The following OTUD7A variants were observed in gnomAD, a reference collection of about 807,000 sequenced individuals.
OTUD7A encodes the protein OTU deubiquitinase 7A.
OTUD7A carries 12 observed loss-of-function variants against 65.7 expected under a neutral mutation model. The ratio of observed to expected loss-of-function variants is 0.18; its 90% CI spans 0.12 to 0.30. OTUD7A has a LOEUF of 0.30. Ranked by LOEUF, OTUD7A falls within the 10% of genes least tolerant of loss-of-function variation. The pLI is 1.00. For missense variants in OTUD7A, 1,148 were observed against 1,304.8 expected, an observed-to-expected ratio of 0.88 and a Z score of 1.85; for synonymous variants, 641 against 586.3, an observed-to-expected ratio of 1.09 and a Z score of -1.35.
intron 1 of OTUD7A, among the ~76,000 whole-genome samples, chr15:31,799,567 G>A (rs954800385): frequency 1.3e-5 from 2 of 152,180 alleles, no homozygotes; most frequent in Admixed American, 1.3e-4. Flanking sequence ...TTAGGAGAAA[G>A]GCCATGTGAG....
chr15:31,795,375 G>A (rs924781250), intron 1 of OTUD7A, among the ~76,000 whole-genome samples: 1 of 152,206 alleles, frequency 6.6e-6, no homozygotes, highest in Non-Finnish European at 1.5e-5. Flanking sequence ...TAAAAACCTG[G>A]TTCAGACCTC....
chr15:31,802,637 G>T (rs1184601392), intron 1 of OTUD7A, among the ~76,000 whole-genome samples: 4 of 152,174 alleles, frequency 2.6e-5, no homozygotes, highest in African/African-American at 7.2e-5. Flanking sequence ...TCAATTTGAT[G>T]TTATTAAAAT....
chr15:31,770,905 G>A (rs79639532), intron 1 of OTUD7A, among the ~76,000 whole-genome samples: 138 of 152,204 alleles, frequency 9.1e-4, no homozygotes, highest in African/African-American at 3.0e-3. Flanking sequence ...AAGGACTCCC[G>A]CAACCTGACA....
intron 5 of OTUD7A, chr15:31,557,904 T>G (rs1595608992): frequency 6.6e-6 from 1 of 151,678 alleles, no homozygotes; most frequent in Non-Finnish European, 1.5e-5. Flanking sequence ...GCTGCAGCCC[T>G]AAACTCCTGG....
intron 1 of OTUD7A, among the ~76,000 whole-genome samples, chr15:31,657,373 T>C (rs1272747245): frequency 1.3e-5 from 2 of 151,930 alleles, no homozygotes; most frequent in Non-Finnish European, 2.9e-5. Context: ...CTTTTTTTTT[T>C]TGAGACAGAG....
chr15:31,610,619 T>A (rs11632909), intron 3 of OTUD7A, among the ~76,000 whole-genome samples: 54 of 45,536 alleles, frequency 1.2e-3, no homozygotes, highest in African/African-American at 3.1e-3. Context: ...ATATATATAT[T>A]TTTTTTTTTT....
In OTUD7A at chr15:31,602,330, A is replaced by G. The variant is rs184498623; in HGVS notation, c.152-32133T>C. On this transcript the variant is annotated intron_variant, in intron 3 of 12. Transcript: ENST00000307050. ...CAAATCAAGAAATGTAATGCATCAC[A>G]TAAACAGAACCAATGACAAAAACCA... 4.1e-4 allele frequency among the ~76,000 whole-genome samples: 62 copies of G among 152,348 alleles called. 1 individual carries two copies. In the East Asian group the frequency reaches 0.012, roughly 28 times the overall value.
chr15:31,499,017 G>A (rs1165862549), intron 10 of OTUD7A, among the ~76,000 whole-genome samples: 1 of 152,180 alleles, frequency 6.6e-6, no homozygotes, highest in Non-Finnish European at 1.5e-5. Context: ...ATAAGAGGGG[G>A]CTTCCCTTAG....
rs768396946 is a variant in OTUD7A, at chr15:31,649,812, G to A, written c.151+5284C>T. ...CAGCAGCGACCGGGCTCAGGAAGGT[G>A]GATCACAGTTGGAGGTGCTGATGCA... On this transcript the variant is annotated intron_variant, in intron 3 of 12. Transcript: ENST00000307050. The A allele has an allele frequency of 5.2e-5, 22 of 421,642 alleles. 1 individual carries two copies. Among genetic ancestry groups the A allele is most frequent in the South Asian group, 3.6e-4 (22 of 60,300 alleles). 26.1% of individuals were successfully genotyped at this position (421,642 alleles called of 1,614,324 possible). A position where few individuals can be genotyped will look rare whatever the true frequency, so the allele number is the denominator to read the frequency against.
chr15:31,817,993 T>A (rs1896592569), intron 1 of OTUD7A, among the ~76,000 whole-genome samples: 1 of 152,186 alleles, frequency 6.6e-6, no homozygotes, highest in Non-Finnish European at 1.5e-5. Context: ...AGAGAGCTGC[T>A]CCCTCTTCCA....
rs1897817410 is a variant in OTUD7A at position 31,864,165 on chromosome 15, C to CCA, written c.-100+6340_-100+6341dup. Among the ~76,000 whole-genome samples the CCA allele has an allele frequency of 2.6e-5, 4 of 152,304 alleles. No individual in the cohort carries two copies. The South Asian group carries it at 8.3e-4, about 32-fold the overall frequency. ...ATTGCTGTCAGCATTTTTGTCAAAG[C>CCA]CACTCAACAAGTCTCTAGGAGATTC... On this transcript the variant is annotated intron_variant, in intron 1 of 12. Transcript: ENST00000307050.
chr15:31,634,035 CTAAA>C (rs1293438430), intron 3 of OTUD7A, among the ~76,000 whole-genome samples: 2 of 152,104 alleles, frequency 1.3e-5, no homozygotes, highest in African/African-American at 2.4e-5. Flanking sequence ...TCTTGGTAGG[CTAAA>C]TAAATAAATA....
Position 31,511,187 on chromosome 15 carries a change from AACAC to A in OTUD7A, c.894-7373_894-7370del, listed in dbSNP as rs1172173405. Among the ~76,000 whole-genome samples the A allele has an allele frequency of 5.7e-3, 29 of 5,086 alleles. 11 individuals are homozygous for A. The highest frequency in any genetic ancestry group is 0.02 in the Admixed American group (6 of 302). The allele number at this position is 5,086 out of a possible 152,430, so 3.3% of individuals were successfully genotyped here. On this transcript the variant is annotated intron_variant, in intron 8 of 12. Coordinates refer to ENST00000307050, the MANE Select transcript of OTUD7A (RefSeq NM_001382637.1). ...AACATACATATGTATATCTATATGT[AACAC>A]ACATATGTATATCTATATGTAACAC...
chr15:31,730,573 T>G (rs1376699624), intron 1 of OTUD7A, among the ~76,000 whole-genome samples: 1 of 152,238 alleles, frequency 6.6e-6, no homozygotes, highest in Non-Finnish European at 1.5e-5. Context: ...TTTTATTTCC[T>G]GGCGTATACA....
At chr15:31,863,629 C>T (rs185005083) in intron 1 of OTUD7A, among the ~76,000 whole-genome samples, 1 of 152,218 alleles carries the variant, frequency 6.6e-6, no homozygotes, top group Non-Finnish European at 1.5e-5. Flanking sequence ...AGTCCCTAGG[C>T]TGCACACAGC....
At chr15:31,825,450 T>C (rs1056614242) in intron 1 of OTUD7A, among the ~76,000 whole-genome samples, 6 of 152,176 alleles carry the variant, frequency 3.9e-5, no homozygotes, top group African/African-American at 1.4e-4. Context: ...GAGAACAGTA[T>C]GGGGGAAACT....
intron 1 of OTUD7A, among the ~76,000 whole-genome samples, chr15:31,833,089 T>C (rs1307766289): frequency 6.6e-6 from 1 of 152,216 alleles, no homozygotes; most frequent in African/African-American, 2.4e-5. Flanking sequence ...TTATTTTTGA[T>C]AGTGGCCATC....
intron 8 of OTUD7A, among the ~76,000 whole-genome samples, chr15:31,521,724 C>A (rs1328589975): frequency 1.3e-5 from 2 of 152,206 alleles, no homozygotes; most frequent in African/African-American, 4.8e-5. Context: ...GCAGCAAACA[C>A]ATTGTCAGTG....
chr15:31,541,509 GAA>G (rs1887986977), intron 5 of OTUD7A, among the ~76,000 whole-genome samples: 5 of 152,140 alleles, frequency 3.3e-5, no homozygotes, highest in Admixed American at 3.3e-4. Context: ...CTGGTCGTTT[GAA>G]AAGAGAAATC....
Sources: allele counts gnomAD v4.1 joint callset (sites outside exome capture counted in the v4.1 genomes callset), GRCh38; gene constraint gnomAD v4.1.1; transcripts MANE v1.5; gene names NCBI Gene and HGNC (gene_info 2026-07-23, HGNC 2026-07-21).